Variants in PCDHA12 observed in about 807,000 individuals in gnomAD.
PCDHA12 encodes the protein protocadherin alpha-12.
Under a neutral mutation model 60.0 loss-of-function variants are expected in PCDHA12, and 44 were observed. That is an observed-to-expected ratio of 0.73 (90% confidence interval 0.58 to 0.94). PCDHA12 has a LOEUF of 0.94. PCDHA12 is among the 40% of genes least tolerant of loss of function. PCDHA12 has a pLI of 0.00. For synonymous variants in PCDHA12, 569 were observed against 553.0 expected, an observed-to-expected ratio of 1.03 and a Z score of -0.40; for missense variants, 1,276 against 1,239.7, an observed-to-expected ratio of 1.03 and a Z score of -0.44.
chr5:140,920,054 C>A (rs1332238212), intron 1 of PCDHA12, among the ~76,000 whole-genome samples: 1 of 152,150 alleles, frequency 6.6e-6, no homozygotes, highest in Non-Finnish European at 1.5e-5. Context: ...CAGCCACCAA[C>A]ACCTGGAAAA....
chr5:140,912,878 T>C (rs2076104558), intron 1 of PCDHA12, among the ~76,000 whole-genome samples: 1 of 152,236 alleles, frequency 6.6e-6, no homozygotes, highest in Non-Finnish European at 1.5e-5. Flanking sequence ...GTTTTTGGTC[T>C]TCATTCTGTT....
At chr5:140,972,500 T>C (rs1554234162) in intron 1 of PCDHA12, among the ~76,000 whole-genome samples, 1 of 152,108 alleles carries the variant, frequency 6.6e-6, no homozygotes, top group Non-Finnish European at 1.5e-5. Flanking sequence ...AATCTGTTGG[T>C]AGATTTTACC....
intron 3 of PCDHA12, among the ~76,000 whole-genome samples, chr5:140,982,886 G>A (rs1310342145): frequency 1.3e-5 from 2 of 152,114 alleles, no homozygotes; most frequent in Admixed American, 6.6e-5. Flanking sequence ...GCCATGCAGA[G>A]AAGATCTGGT....
At chr5:140,950,548 G>T (rs1363394631) in intron 1 of PCDHA12, among the ~76,000 whole-genome samples, 2 of 151,990 alleles carry the variant, frequency 1.3e-5, no homozygotes, top group African/African-American at 4.8e-5. Context: ...TTGCATGGCT[G>T]GGGGGACACT....
intron 1 of PCDHA12, among the ~76,000 whole-genome samples, chr5:140,943,236 TCA>T (rs1454947972): frequency 5.6e-5 from 7 of 124,930 alleles, no homozygotes; most frequent in African/African-American, 1.9e-4. Flanking sequence ...CCAGCCTGGG[TCA>T]CAGAGTGAGA....
intron 2 of PCDHA12, among the ~76,000 whole-genome samples, chr5:140,980,573 T>G (rs1040024915): frequency 6.6e-6 from 1 of 152,066 alleles, no homozygotes; most frequent in Non-Finnish European, 1.5e-5. Context: ...GAAGTTGCAG[T>G]GAGCCAAGAT....
intron 1 of PCDHA12, among the ~76,000 whole-genome samples, chr5:140,977,050 G>A (rs546385020): frequency 6.6e-6 from 1 of 152,162 alleles, no homozygotes; most frequent in Non-Finnish European, 1.5e-5. Context: ...TGTTGCTGAT[G>A]GACTAGTATA....
chr5:140,943,525 T>C (rs891940980), intron 1 of PCDHA12, among the ~76,000 whole-genome samples: 7 of 152,148 alleles, frequency 4.6e-5, no homozygotes, highest in African/African-American at 7.2e-5. Flanking sequence ...GAGTTCAGTA[T>C]GCAAAATGTC....
At chr5:140,985,203 T>C (rs1274620928) in intron 3 of PCDHA12, among the ~76,000 whole-genome samples, 1 of 152,092 alleles carries the variant, frequency 6.6e-6, no homozygotes, top group Non-Finnish European at 1.5e-5. Flanking sequence ...TCCCAAAGTG[T>C]TGGGATTACA....
chr5:140,952,512 C>T (rs1381568463), intron 1 of PCDHA12, among the ~76,000 whole-genome samples: 1 of 152,124 alleles, frequency 6.6e-6, no homozygotes, highest in Non-Finnish European at 1.5e-5. Flanking sequence ...TCCTCATCTC[C>T]ATCTGAGACC....
intron 1 of PCDHA12, among the ~76,000 whole-genome samples, chr5:140,963,991 A>G (rs1232646749): frequency 1.3e-5 from 2 of 152,190 alleles, no homozygotes; most frequent in Admixed American, 6.5e-5. Context: ...ATTCCTAATT[A>G]CTGTGTTCTA....
At chr5:140,895,868 A>G (rs555320203) in intron 1 of PCDHA12, among the ~76,000 whole-genome samples, 5 of 152,228 alleles carry the variant, frequency 3.3e-5, no homozygotes, top group Admixed American at 6.5e-5. Flanking sequence ...CTGGAGTGCA[A>G]TGGCGCGATC....
rs561153933 is a variant in PCDHA12, at chr5:140,927,279, G to A, written c.2367+49440G>A. Reference sequence around the variant, plus strand: ...CACCTCTCTTTCCTGCCGGCGACGTGCAGCTGCACATCCCCGAGTTCCTGA... The same window carrying A: ...CACCTCTCTTTCCTGCCGGCGACGTACAGCTGCACATCCCCGAGTTCCTGA... On this transcript the variant is annotated intron_variant, in intron 1 of 3. Transcript: ENST00000398631. 14 of 1,614,136 alleles carry A rather than the reference G, an allele frequency of 8.7e-6. 1 individual carries two copies. The South Asian group carries it at 1.4e-4, about 16-fold the overall frequency.
intron 1 of PCDHA12, among the ~76,000 whole-genome samples, chr5:140,960,324 G>A (rs2095540604): frequency 6.6e-6 from 1 of 152,168 alleles, no homozygotes; most frequent in Non-Finnish European, 1.5e-5. Context: ...AGGGTCCTGT[G>A]AGAAGTACAT....
intron 2 of PCDHA12, among the ~76,000 whole-genome samples, chr5:140,982,104 G>A (rs1280175443): frequency 6.6e-6 from 1 of 152,256 alleles, no homozygotes; most frequent in Non-Finnish European, 1.5e-5. Flanking sequence ...GAACCTGCAA[G>A]AGAGGCTTGG....
At chr5:140,983,740 C>A (rs1250895126) in intron 3 of PCDHA12, among the ~76,000 whole-genome samples, 1 of 152,190 alleles carries the variant, frequency 6.6e-6, no homozygotes, top group African/African-American at 2.4e-5. Context: ...GGCTGGCTTG[C>A]AATAATCCAT....
chr5:140,979,157 A>G (rs2096837413), intron 2 of PCDHA12, 150 bp downstream of exon 2: 9 of 1,429,186 alleles, frequency 6.3e-6, no homozygotes, highest in Non-Finnish European at 8.3e-6. Context: ...CCCCATGTTT[A>G]TTCCTTGAAA....
In PCDHA12 at chr5:140,877,657, G is replaced by T. The variant is rs1554169952; in HGVS notation, c.2185G>T (p.Val729Leu). Residue 729 changes from valine (V) to leucine (L), a missense_variant, in exon 1 of 4, where the codon GTG becomes TTG. Physicochemically the swap from Val to Leu is conservative, Grantham distance 32. Transcript: ENST00000398631. ...GCTGCGTTGCTCAGCGCCGCCCACCGTGAGCCGGTGCGCGCCGGGCAAGCC... is the reference window on the plus strand; with the variant it reads ...GCTGCGTTGCTCAGCGCCGCCCACCTTGAGCCGGTGCGCGCCGGGCAAGCC... The part of the protein sequence containing the change: ...TALRCSAPPT[V>L]SRCAPGKPTL... 2 of 1,613,570 alleles carry T rather than the reference G, an allele frequency of 1.2e-6. No individual in the cohort carries two copies. Among genetic ancestry groups the T allele is most frequent in the East Asian group, 2.2e-5 (1 of 44,854 alleles).
chr5:140,981,670 C>T (rs1389601276), intron 2 of PCDHA12, among the ~76,000 whole-genome samples: 8 of 152,070 alleles, frequency 5.3e-5, no homozygotes, highest in Non-Finnish European at 1.0e-4. Context: ...TCCTTCCTTT[C>T]TTCCTTCCTC....
Sources: gnomAD v4.1 joint callset for allele counts (sites outside exome capture counted in the v4.1 genomes callset) on GRCh38, gnomAD v4.1.1 for gene constraint, MANE v1.5 for transcripts, NCBI Gene and HGNC (gene_info 2026-07-23, HGNC 2026-07-21) for gene names.